The following CNTNAP2 variants were observed in gnomAD, a reference collection of about 807,000 sequenced individuals.
CNTNAP2 encodes contactin associated protein 2.
In CNTNAP2, 98 loss-of-function variants were observed where a neutral mutation model predicts 155.2. That is an observed-to-expected ratio of 0.63 (90% CI 0.54 to 0.75). The LOEUF is 0.75. Ranked by LOEUF, CNTNAP2 falls within the 30% of genes least tolerant of loss-of-function variation. The pLI is 0.00. For synonymous variants in CNTNAP2, 651 were observed against 631.2 expected (o/e 1.03, Z -0.47); for missense variants, 1,727 against 1,688.1 (o/e 1.02, Z -0.40).
intron 9 of CNTNAP2, among the ~76,000 whole-genome samples, chr7:147,353,829 C>G (rs528006778): frequency 4.1e-4 from 62 of 151,988 alleles, no homozygotes; most frequent in Non-Finnish European, 7.5e-4. Context: ...ACTTAATGAT[C>G]GCCATTCTAA....
intron 8 of CNTNAP2, among the ~76,000 whole-genome samples, chr7:147,218,488 C>G (rs1803323398): frequency 6.6e-6 from 1 of 151,728 alleles, no homozygotes; most frequent in Non-Finnish European, 1.5e-5. Context: ...TGAAATTTCC[C>G]ACTTTATCCA....
At chr7:147,745,934 G>T (rs1314043820) in intron 13 of CNTNAP2, among the ~76,000 whole-genome samples, 2 of 151,968 alleles carry the variant, frequency 1.3e-5, no homozygotes, top group South Asian at 2.1e-4. Flanking sequence ...GTGTAGATAA[G>T]AATAATATAT....
chr7:148,297,199 A>AGGAAGGAAGGAAGGAAGGAC (rs1330394608), intron 21 of CNTNAP2, among the ~76,000 whole-genome samples: 1 of 151,320 alleles, frequency 6.6e-6, no homozygotes, highest in African/African-American at 2.4e-5. Context: ...GAAGGAAGGA[A>AGGAAGGAAGGAAGGAAGGAC]GGAAGGAAAA....
At chr7:146,795,894 A>C (rs1802759855) in intron 2 of CNTNAP2, among the ~76,000 whole-genome samples, 1 of 152,218 alleles carries the variant, frequency 6.6e-6, no homozygotes, top group African/African-American at 2.4e-5. Context: ...AAATGAAAAC[A>C]ACTTAAATGT....
chr7:147,369,412 T>C (rs1322001217), intron 9 of CNTNAP2, among the ~76,000 whole-genome samples: 9 of 152,196 alleles, frequency 5.9e-5, no homozygotes, highest in Non-Finnish European at 7.3e-5. Context: ...AAACTAAGGT[T>C]TGTTCATGAG....
At chr7:146,175,119 C>G (rs568561628) in intron 1 of CNTNAP2, among the ~76,000 whole-genome samples, 1 of 152,146 alleles carries the variant, frequency 6.6e-6, no homozygotes, top group East Asian at 1.9e-4. Context: ...TGGAGAGTAT[C>G]CAGATTGTTA....
At chr7:147,293,042 G>T (rs1169448687) in intron 8 of CNTNAP2, among the ~76,000 whole-genome samples, 1 of 152,062 alleles carries the variant, frequency 6.6e-6, no homozygotes, top group Non-Finnish European at 1.5e-5. Context: ...TGCTGGGATT[G>T]CAGGCATAAG....
intron 1 of CNTNAP2, among the ~76,000 whole-genome samples, chr7:146,496,634 T>G (rs1797218739): frequency 6.6e-6 from 1 of 152,188 alleles, no homozygotes. Context: ...CCTTCCTGAT[T>G]TTCACTTACT....
At chr7:148,142,289 T>G (rs140381139) in intron 16 of CNTNAP2, among the ~76,000 whole-genome samples, 36 of 152,258 alleles carry the variant, frequency 2.4e-4, no homozygotes, top group African/African-American at 8.7e-4. Flanking sequence ...ATCTCTCTGA[T>G]TCCCATGGCG....
intron 1 of CNTNAP2, among the ~76,000 whole-genome samples, chr7:146,391,021 C>T (rs767553202): frequency 2.2e-5 from 3 of 138,566 alleles, no homozygotes; most frequent in East Asian, 4.1e-4. Flanking sequence ...GAGCCGAGAT[C>T]GCGCCACTGC....
At chr7:146,293,147 TAAATG>T (rs978258922) in intron 1 of CNTNAP2, among the ~76,000 whole-genome samples, 1 of 152,096 alleles carries the variant, frequency 6.6e-6, no homozygotes, top group Non-Finnish European at 1.5e-5. Context: ...AATTAAAAAA[TAAATG>T]AAATAAAATT....
intron 14 of CNTNAP2, among the ~76,000 whole-genome samples, chr7:147,969,998 T>TGGCTTGCTGCAGCCTC (rs1801306137): frequency 6.6e-6 from 1 of 151,920 alleles, no homozygotes; most frequent in Non-Finnish European, 1.5e-5. Flanking sequence ...GGTGTAACCT[T>TGGCTTGCTGCAGCCTC]GGCTTGCTGC....
intron 9 of CNTNAP2, among the ~76,000 whole-genome samples, chr7:147,391,581 T>C (rs1796719492): frequency 6.6e-6 from 1 of 152,208 alleles, no homozygotes; most frequent in South Asian, 2.1e-4. Flanking sequence ...CACAATTATA[T>C]AAAGATAAGC....
chr7:148,330,815 G>C (rs1373529858), intron 21 of CNTNAP2, among the ~76,000 whole-genome samples: 2 of 146,168 alleles, frequency 1.4e-5, no homozygotes, highest in Admixed American at 1.4e-4. Context: ...GGATGGAGTG[G>C]AGTGGACAGA....
chr7:148,301,667 G>A (rs1308171932), intron 21 of CNTNAP2, among the ~76,000 whole-genome samples: 1 of 152,204 alleles, frequency 6.6e-6, no homozygotes, highest in Non-Finnish European at 1.5e-5. Flanking sequence ...GCTTTGTGGA[G>A]ATAGAACTGG....
At chr7:147,369,175 T>C (rs1796298039) in intron 9 of CNTNAP2, among the ~76,000 whole-genome samples, 1 of 152,258 alleles carries the variant, frequency 6.6e-6, no homozygotes, top group African/African-American at 2.4e-5. Context: ...ATAACCATGT[T>C]AGAACTTGAA....
At chr7:147,655,359 G>A (rs890460708) in intron 13 of CNTNAP2, among the ~76,000 whole-genome samples, 2 of 152,258 alleles carry the variant, frequency 1.3e-5, no homozygotes, top group Non-Finnish European at 2.9e-5. Flanking sequence ...CTGACCTCAG[G>A]TGATCCGCCC....
intron 15 of CNTNAP2, among the ~76,000 whole-genome samples, chr7:147,981,817 G>GTGTGTGTGTGTGTGTGTGTGTGTGT (rs758963411): frequency 2.2e-5 from 3 of 138,920 alleles, no homozygotes; most frequent in East Asian, 2.1e-4. Flanking sequence ...GTGTGTGTGT[G>GTGTGTGTGTGTGTGTGTGTGTGTGT]GTTTTTTTTT....
At chr7:146,308,066 A>G (rs1450516171) in intron 1 of CNTNAP2, among the ~76,000 whole-genome samples, 9 of 144,268 alleles carry the variant, frequency 6.2e-5, no homozygotes, top group Non-Finnish European at 1.1e-4. Flanking sequence ...GAAAATTTTT[A>G]CAATCTACCC....
Sources: allele counts gnomAD v4.1 joint callset (sites outside exome capture counted in the v4.1 genomes callset), GRCh38; gene constraint gnomAD v4.1.1; transcripts MANE v1.5; gene names NCBI Gene and HGNC (gene_info 2026-07-23, HGNC 2026-07-21).